The following KMO variants were observed in gnomAD, a reference collection of about 807,000 sequenced individuals.
KMO encodes kynurenine 3-monooxygenase.
Under a neutral mutation model 57.8 loss-of-function variants are expected in KMO, and 24 were observed. The ratio of observed to expected loss-of-function variants is 0.42; its 90% confidence interval spans 0.30 to 0.58. The LOEUF is 0.58. KMO is among the 20% of genes least tolerant of loss of function. The probability of loss-of-function intolerance (pLI) is 0.22; values close to 1 mark genes in which losing one functional copy is unlikely to be tolerated. For synonymous variants in KMO, 210 were observed against 193.6 expected, an observed-to-expected ratio of 1.08 and a Z score of -0.70; for missense variants, 483 against 588.2, an observed-to-expected ratio of 0.82 and a Z score of 1.85.
At chr1:241,570,317 C>A (rs982831787) in intron 10 of KMO, among the ~76,000 whole-genome samples, 28 of 151,834 alleles carry the variant, frequency 1.8e-4, no homozygotes, top group Admixed American at 1.7e-3. Flanking sequence ...CTTTGGCTGC[C>A]TGTGTTTTTG....
intron 6 of KMO, among the ~76,000 whole-genome samples, chr1:241,560,969 C>T (rs1372311667): frequency 6.6e-6 from 1 of 152,170 alleles, no homozygotes; most frequent in African/African-American, 2.4e-5. Context: ...ACTTGCTCAC[C>T]TTCCTACTGT....
chr1:241,582,904 A>G (rs555938868), intron 10 of KMO, among the ~76,000 whole-genome samples: 78 of 152,154 alleles, frequency 5.1e-4, no homozygotes, highest in African/African-American at 1.8e-3. Context: ...GCTTGTTTGT[A>G]CCTGTCCTTC....
intron 5 of KMO, among the ~76,000 whole-genome samples, chr1:241,557,877 C>T (rs1007535014): frequency 6.6e-6 from 1 of 152,226 alleles, no homozygotes; most frequent in Non-Finnish European, 1.5e-5. Context: ...AGCAGTACAG[C>T]AGACCTATGA....
chr1:241,569,058 A>G (rs1184817162), intron 10 of KMO, among the ~76,000 whole-genome samples: 1 of 152,070 alleles, frequency 6.6e-6, no homozygotes, highest in Non-Finnish European at 1.5e-5. Flanking sequence ...CTAGTTTTAT[A>G]TATTTATGTG....
chr1:241,585,762 A>T (rs1662951332), intron 10 of KMO, among the ~76,000 whole-genome samples: 1 of 151,790 alleles, frequency 6.6e-6, no homozygotes. Context: ...TAAAATAAAA[A>T]AAAAAGAACA....
chr1:241,583,423 A>C (rs1469071974), intron 10 of KMO, among the ~76,000 whole-genome samples: 1 of 152,180 alleles, frequency 6.6e-6, no homozygotes, highest in East Asian at 1.9e-4. Flanking sequence ...TAGAAATGCC[A>C]TCCAGGAGCT....
Position 241,562,481 on chromosome 1 carries a change from A to G in KMO, c.615+149A>G, listed in dbSNP as rs923356808. On this transcript the variant is annotated intron_variant, in intron 7 of 14. Coordinates refer to ENST00000366559, the MANE Select transcript of KMO (RefSeq NM_003679.5). Reference sequence around the variant, plus strand: ...TTGTAATGAAGAATAAATGGGATGCATGGGTATCTTTTTAACAGCACGATT... The same window carrying G: ...TTGTAATGAAGAATAAATGGGATGCGTGGGTATCTTTTTAACAGCACGATT... 15 of 735,074 alleles carry G rather than the reference A, an allele frequency of 2.0e-5. 1 individual carries two copies. The South Asian group carries it at 2.6e-4, about 13-fold the overall frequency. 45.5% of individuals were successfully genotyped at this position (735,074 alleles called of 1,614,324 possible).
intron 12 of KMO, 145 bp from the exon 13 acceptor site, chr1:241,589,867 T>A (rs1415312806): frequency 4.5e-6 from 3 of 665,934 alleles, no homozygotes; most frequent in Non-Finnish European, 7.8e-6. Context: ...CAAAATGGAT[T>A]GGGAATGACA....
intron 13 of KMO, 28 bp from the exon 14 acceptor site, chr1:241,590,176 C>T (rs377284343): frequency 6.2e-7 from 1 of 1,609,076 alleles, no homozygotes; most frequent in Non-Finnish European, 8.5e-7. Context: ...AAAGAATACA[C>T]AAGAATACTT....
intron 5 of KMO, among the ~76,000 whole-genome samples, chr1:241,557,685 G>A (rs907133409): frequency 1.7e-4 from 26 of 152,120 alleles, no homozygotes; most frequent in Admixed American, 9.2e-4. Flanking sequence ...TGAACCAGCC[G>A]GGTGCGGTGG....
At chr1:241,590,415 G>A in intron 14 of KMO, 152 bp downstream of exon 14, 1 of 621,902 alleles carries the variant, frequency 1.6e-6, no homozygotes, top group Admixed American at 2.9e-5. Context: ...TACAGAGAGG[G>A]AACAGTGCTT....
chr1:241,550,776 AG>A (rs1443620443), intron 3 of KMO, among the ~76,000 whole-genome samples, 178 bp from the exon 4 acceptor site: 1 of 152,196 alleles, frequency 6.6e-6, no homozygotes, highest in Non-Finnish European at 1.5e-5. Flanking sequence ...ACAAACTAAA[AG>A]CTTCAGGATC....
At chr1:241,538,803 A>C (rs115700730) in intron 1 of KMO, among the ~76,000 whole-genome samples, 3 of 152,248 alleles carry the variant, frequency 2.0e-5, no homozygotes, top group African/African-American at 7.2e-5. Context: ...TTCATTTGCT[A>C]TCTGGTGGGA....
At chr1:241,589,848 G>A (rs555760731) in intron 12 of KMO, among the ~76,000 whole-genome samples, 164 bp from the exon 13 acceptor site, 2 of 152,252 alleles carry the variant, frequency 1.3e-5, no homozygotes, top group South Asian at 2.1e-4. Context: ...CTATATGACC[G>A]ACATTTACCA....
At chr1:241,560,963 G>T (rs1364687677) in intron 6 of KMO, among the ~76,000 whole-genome samples, 1 of 152,158 alleles carries the variant, frequency 6.6e-6, no homozygotes, top group Non-Finnish European at 1.5e-5. Context: ...TCTCACACTT[G>T]CTCACCTTCC....
Position 241,590,238 on chromosome 1 carries a change from T to C in KMO, c.1235T>C (p.Val412Ala), listed in dbSNP as rs372703974. 1 of 1,613,826 alleles carries C rather than the reference T, an allele frequency of 6.2e-7. No individual in the cohort carries two copies. Among genetic ancestry groups the C allele is most frequent in the African/African-American group, 1.3e-5 (1 of 74,936 alleles). ...TCCAGAATAAGATACCATGAGGCTG[T>C]GCAGCGTTGGCATTGGCAAAAAAAG... Reference protein sequence around the residue: ...TFSRIRYHEAVQRWHWQKKVI... With the variant: ...TFSRIRYHEAAQRWHWQKKVI... The change falls in exon 14 of 15, where the codon GTG (valine) becomes GCG (alanine). Residue 412 changes from valine to alanine, a missense_variant. Around this residue, in one of 3 missense-constraint regions of KMO, gnomAD observed 410 missense variants for 492.3 expected, o/e 0.83. Coordinates refer to ENST00000366559, the MANE Select transcript of KMO (RefSeq NM_003679.5).
chr1:241,585,966 C>T (rs1189230338), intron 10 of KMO, among the ~76,000 whole-genome samples: 1 of 151,720 alleles, frequency 6.6e-6, no homozygotes, highest in African/African-American at 2.4e-5. Flanking sequence ...GTAGTTTTAT[C>T]CTATCATTAA....
At chr1:241,533,010 C>T (rs992439322) in intron 1 of KMO, among the ~76,000 whole-genome samples, 2 of 152,174 alleles carry the variant, frequency 1.3e-5, no homozygotes, top group Admixed American at 6.5e-5. Flanking sequence ...TTTATGTGGT[C>T]GCCTGACTTA....
chr1:241,565,105 T>A (rs778131624), intron 8 of KMO, 47 bp downstream of exon 8: 33 of 1,059,592 alleles, frequency 3.1e-5, no homozygotes, highest in Non-Finnish European at 3.2e-5. Context: ...TTGTAATTAA[T>A]GTTGTTTATT....
Sources: allele counts gnomAD v4.1 joint callset (sites outside exome capture counted in the v4.1 genomes callset), GRCh38; gene constraint gnomAD v4.1.1; regional missense constraint gnomAD v4.1.1; transcripts MANE v1.5; gene names NCBI Gene and HGNC (gene_info 2026-07-23, HGNC 2026-07-21).